PRCC: variants seen among roughly 807,000 people sequenced by gnomAD.
The protein encoded by PRCC is proline-rich protein PRCC.
PRCC carries 10 observed loss-of-function variants against 44.0 expected under a neutral mutation model. That is an observed-to-expected ratio of 0.23 (90% CI 0.14 to 0.39). The LOEUF (loss-of-function observed/expected upper bound fraction) is 0.39. PRCC is among the 10% of genes least tolerant of loss of function. The probability of loss-of-function intolerance (pLI) is 1.00; values close to 1 mark genes in which losing one functional copy is unlikely to be tolerated. For synonymous variants in PRCC, 278 were observed against 259.5 expected (o/e 1.07, Z -0.69); for missense variants, 573 against 624.7 (o/e 0.92, Z 0.88).
In PRCC at chr1:156,791,678, C is replaced by G. The variant is rs767900856; in HGVS notation, c.1084-19C>G. 1.2e-6 allele frequency: 2 copies of G among 1,602,594 alleles called. No homozygotes were observed. The highest frequency in any genetic ancestry group is 1.7e-6 in the Non-Finnish European group (2 of 1,174,802). ...CTGTGCCCTCAGTTGGTGTGTTTTT[C>G]TTTCCTGTTTGGCTGCAGGATTATT... On this transcript the variant is annotated intron_variant, in intron 3 of 6. Transcript: ENST00000271526.
Position 156,785,922 on chromosome 1 carries a change from C to T in PRCC, c.517-686C>T, listed in dbSNP as rs956160709. On this transcript the variant is annotated intron_variant, in intron 2 of 6. Transcript: ENST00000271526. ...CGCTTCCTGGGTTCAAGCGATTCTT[C>T]TGCCTCAGCCTCCCAAGTAGCTGAG... Among the ~76,000 whole-genome samples the T allele has an allele frequency of 2.0e-5, 3 of 151,036 alleles. No homozygotes were observed. The East Asian group carries it at 5.8e-4, about 29-fold the overall frequency.
At chr1:156,768,842 C>T (rs1651517084) in intron 1 of PRCC, among the ~76,000 whole-genome samples, 1 of 152,118 alleles carries the variant, frequency 6.6e-6, no homozygotes, top group African/African-American at 2.4e-5. Context: ...AGATGAGAAA[C>T]AGGTGTCCAG....
intron 1 of PRCC, among the ~76,000 whole-genome samples, chr1:156,779,157 T>C (rs1651955352): frequency 4.4e-5 from 4 of 91,902 alleles, no homozygotes; most frequent in Non-Finnish European, 6.6e-5. Flanking sequence ...TTTTTTTTTT[T>C]TTCTTTTTTT....
At chr1:156,786,266 T>C (rs1372265194) in intron 2 of PRCC, among the ~76,000 whole-genome samples, 2 of 152,064 alleles carry the variant, frequency 1.3e-5, no homozygotes, top group Non-Finnish European at 2.9e-5. Context: ...AGACCTGGGC[T>C]TTTGGGGAGG....
chr1:156,800,167 C>T (rs1652787636), intron 6 of PRCC, among the ~76,000 whole-genome samples: 1 of 152,152 alleles, frequency 6.6e-6, no homozygotes, highest in Non-Finnish European at 1.5e-5. Context: ...TTTGCTTAAA[C>T]CTTGATAACT....
At chr1:156,769,994 G>A (rs1048196660) in intron 1 of PRCC, among the ~76,000 whole-genome samples, 4 of 151,666 alleles carry the variant, frequency 2.6e-5, no homozygotes, top group Admixed American at 6.6e-5. Context: ...ATTGCTCCAT[G>A]GAAACTTACT....
chr1:156,782,865 T>C (rs1292894909), intron 2 of PRCC, among the ~76,000 whole-genome samples: 1 of 152,114 alleles, frequency 6.6e-6, no homozygotes, highest in Admixed American at 6.6e-5. Flanking sequence ...AGACAACTAG[T>C]GTGGGCAGAG....
chr1:156,794,892 C>G (rs992063923), intron 5 of PRCC, 84 bp downstream of exon 5: 46 of 1,539,352 alleles, frequency 3.0e-5, no homozygotes, highest in Non-Finnish European at 4.1e-5. Flanking sequence ...GACCCCACAC[C>G]CCATTGTTAT....
At chr1:156,787,317 A>G in intron 3 of PRCC, 143 bp downstream of exon 3, 1 of 918,890 alleles carries the variant, frequency 1.1e-6, no homozygotes, top group Non-Finnish European at 1.6e-6. Context: ...ACATACCTTT[A>G]TTCTGAACCA....
intron 1 of PRCC, among the ~76,000 whole-genome samples, chr1:156,772,886 GAA>G (rs1427442147): frequency 6.6e-6 from 1 of 152,248 alleles, no homozygotes; most frequent in Non-Finnish European, 1.5e-5. Context: ...GGAGTTTAGA[GAA>G]CAGAAGTGAT....
At chr1:156,797,001 G>A (rs192144115) in intron 5 of PRCC, 7 of 381,846 alleles carry the variant, frequency 1.8e-5, no homozygotes, top group South Asian at 5.5e-5. Flanking sequence ...TACCAAAGAC[G>A]CAGAAGACAG....
At chr1:156,783,198 C>A (rs1025409766) in intron 2 of PRCC, among the ~76,000 whole-genome samples, 2 of 152,188 alleles carry the variant, frequency 1.3e-5, no homozygotes, top group Non-Finnish European at 2.9e-5. Flanking sequence ...AGCCACCGCG[C>A]CTGGCCAGTC....
At chr1:156,791,606 G>C in intron 3 of PRCC, 91 bp from the exon 4 acceptor site, 1 of 1,203,600 alleles carries the variant, frequency 8.3e-7, no homozygotes, top group Non-Finnish European at 1.2e-6. Context: ...TTGCCTCTTT[G>C]ATGACAATTT....
At chr1:156,796,473 T>G (rs1454109657) in intron 5 of PRCC, 1 of 152,260 alleles carries the variant, frequency 6.6e-6, no homozygotes, top group Non-Finnish European at 1.5e-5. Context: ...AGAGGAGTTT[T>G]GGGAGTTGGG....
chr1:156,789,010 C>T (rs978154117), intron 3 of PRCC, among the ~76,000 whole-genome samples: 8 of 152,028 alleles, frequency 5.3e-5, no homozygotes, highest in Admixed American at 3.3e-4. Flanking sequence ...TGCTCTGTCA[C>T]CCAGGCTGTA....
intron 1 of PRCC, among the ~76,000 whole-genome samples, chr1:156,779,774 G>A (rs994436255): frequency 6.6e-6 from 1 of 151,776 alleles, no homozygotes; most frequent in Non-Finnish European, 1.5e-5. Flanking sequence ...AGGTGGGGGG[G>A]TCTCACTATG....
Position 156,767,616 on chromosome 1 carries a change from C to A in PRCC, c.-156C>A. 1 of 703,256 alleles carries A rather than the reference C, an allele frequency of 1.4e-6. No individual in the cohort carries two copies. Among genetic ancestry groups the A allele is most frequent in the Non-Finnish European group, 2.3e-6 (1 of 428,234 alleles). 43.6% of individuals were successfully genotyped at this position (703,256 alleles called of 1,614,324 possible). A position where few individuals can be genotyped will look rare whatever the true frequency, so the allele number is the denominator to read the frequency against. ...TTGTTCGGTGGAAATCAGCCGTAGC[C>A]ATGAGTTTCTGCCGGGGCTAGCCCT... On this transcript the variant is annotated 5_prime_UTR_variant, in exon 1 of 7. Coordinates refer to ENST00000271526, the MANE Select transcript of PRCC (RefSeq NM_005973.5).
At chr1:156,798,514 T>G (rs188946717) in intron 6 of PRCC, among the ~76,000 whole-genome samples, 1 of 152,310 alleles carries the variant, frequency 6.6e-6, no homozygotes, top group African/African-American at 2.4e-5. Flanking sequence ...CTCTGCTGCT[T>G]GGGAGCACTT....
intron 3 of PRCC, chr1:156,791,440 T>C (rs555324379): frequency 1.9e-6 from 1 of 522,016 alleles, no homozygotes; most frequent in Non-Finnish European, 3.5e-6. Context: ...AGAGACTGTC[T>C]TTGTTTCTTG....
Sources: allele counts gnomAD v4.1 joint callset (sites outside exome capture counted in the v4.1 genomes callset), GRCh38; gene constraint gnomAD v4.1.1; transcripts MANE v1.5; gene names NCBI Gene and HGNC (gene_info 2026-07-23, HGNC 2026-07-21).